The following GALNT10 variants were observed in gnomAD, a reference collection of about 807,000 sequenced individuals.
GALNT10 encodes the protein GalNAc transferase 10.
GALNT10 carries 41 observed loss-of-function variants against 75.0 expected under a neutral mutation model. That is an observed-to-expected ratio of 0.55 (90% CI 0.43 to 0.71). GALNT10 has a LOEUF of 0.71. Among genes scored for constraint, GALNT10 ranks in the 30% least tolerant of loss-of-function variants. The pLI is 0.00. For missense variants in GALNT10, 727 were observed against 818.5 expected (o/e 0.89, Z 1.36); for synonymous variants, 302 against 313.0 (o/e 0.96, Z 0.37).
At position 154,294,891 on chromosome 5, in the gene GALNT10, GC is replaced by G; in HGVS notation, c.237del (p.Ile80SerfsTer8). 6.3e-7 allele frequency: 1 copy of G among 1,593,036 alleles called. No individual in the cohort carries two copies. Among genetic ancestry groups the G allele is most frequent in the Non-Finnish European group, 8.6e-7 (1 of 1,160,766 alleles). ...QKLKDWHDKE[A>X]IRRDAQRVGN... ...GCTGAAGGACTGGCATGACAAGGAG[GC>G]CATCCGGAGGGACGCTCAGCGCGTA... is the stretch of plus-strand genomic sequence containing the variant. On this transcript the variant is annotated frameshift_variant, in exon 2 of 12. Transcript: ENST00000297107. LOFTEE classifies it high-confidence loss of function.
At position 154,412,166 on chromosome 5, in the gene GALNT10, C is replaced by T. The variant is rs183407740; in HGVS notation, c.1387-723C>T. On this transcript the variant is annotated intron_variant, in intron 9 of 11. Coordinates refer to ENST00000297107, the MANE Select transcript of GALNT10 (RefSeq NM_198321.4). This position sits in a 1 kb window ranked among gnomAD's most constrained non-coding sequence, Gnocchi z 4.2. ...GTGCATTTTCATAGCCACCACAGCC[C>T]CCTATCCCTCAGATAAAGTAGGATT... Among the ~76,000 whole-genome samples the T allele has an allele frequency of 6.6e-6, 1 of 152,286 alleles. No homozygotes were observed. The highest frequency in any genetic ancestry group is 1.9e-4 in the East Asian group (1 of 5,178).
intron 1 of GALNT10, among the ~76,000 whole-genome samples, chr5:154,238,416 A>G (rs1753281045): frequency 6.6e-6 from 1 of 152,188 alleles, no homozygotes; most frequent in Non-Finnish European, 1.5e-5. Context: ...GTCATTAATT[A>G]GTAATCCACA....
intron 1 of GALNT10, among the ~76,000 whole-genome samples, chr5:154,286,851 C>T (rs1243883586): frequency 1.3e-5 from 2 of 152,198 alleles, no homozygotes; most frequent in Non-Finnish European, 2.9e-5. Flanking sequence ...GACATAGACT[C>T]GTGGTTGCTG....
chr5:154,399,485 C>G (rs2113206002), intron 7 of GALNT10, among the ~76,000 whole-genome samples: 1 of 152,298 alleles, frequency 6.6e-6, no homozygotes, highest in South Asian at 2.1e-4. Context: ...CAGCCAGGAT[C>G]CAGCCCGAAA....
chr5:154,337,368 A>G (rs536867585), intron 4 of GALNT10: 2 of 542,784 alleles, frequency 3.7e-6, no homozygotes, highest in East Asian at 4.0e-5. Flanking sequence ...CTCTGCCACC[A>G]TTGTGCTTGG....
chr5:154,201,285 G>A (rs1352427824), intron 1 of GALNT10, among the ~76,000 whole-genome samples: 2 of 151,890 alleles, frequency 1.3e-5, no homozygotes. Context: ...CAGGGCTTAC[G>A]GTCCCCACTT....
intron 1 of GALNT10, among the ~76,000 whole-genome samples, chr5:154,199,992 A>T (rs1581915250): frequency 6.6e-6 from 1 of 152,242 alleles, no homozygotes; most frequent in South Asian, 2.1e-4. Context: ...AGGGCCACGC[A>T]GCTAGGAAGT....
chr5:154,366,278 GA>G (rs1755472326), intron 4 of GALNT10, among the ~76,000 whole-genome samples: 1 of 152,114 alleles, frequency 6.6e-6, no homozygotes, highest in African/African-American at 2.4e-5. Context: ...AACATTATTA[GA>G]ATTTTTGGAA....
At position 154,238,515 on chromosome 5, in the gene GALNT10, T is replaced by C. The variant is rs377690084; in HGVS notation, c.159+47490T>C. 5.6e-4 allele frequency among the ~76,000 whole-genome samples: 86 copies of C among 152,294 alleles called. 1 individual carries two copies. The South Asian group carries it at 0.016, about 28-fold the overall frequency. The stretch of plus-strand genomic sequence containing the variant: ...TAAGTGTTATTTCTCCCCACGTGCA[T>C]CTTCTCCTTCTCCCCCTGCGCTTTA... On this transcript the variant is annotated intron_variant, in intron 1 of 11. Coordinates refer to ENST00000297107, the MANE Select transcript of GALNT10 (RefSeq NM_198321.4).
At chr5:154,259,757 A>G (rs1038706524) in intron 1 of GALNT10, among the ~76,000 whole-genome samples, 2 of 152,164 alleles carry the variant, frequency 1.3e-5, no homozygotes, top group Non-Finnish European at 2.9e-5. Flanking sequence ...CAATTCTTAC[A>G]TATGTTATAA....
At chr5:154,295,854 T>C (rs939097177) in intron 2 of GALNT10, among the ~76,000 whole-genome samples, 1 of 152,204 alleles carries the variant, frequency 6.6e-6, no homozygotes, top group Non-Finnish European at 1.5e-5. Context: ...AGCTTTGCAA[T>C]ACTAGAAAGC....
chr5:154,251,597 A>T (rs867265244), intron 1 of GALNT10, among the ~76,000 whole-genome samples: 2 of 152,150 alleles, frequency 1.3e-5, no homozygotes, highest in Non-Finnish European at 2.9e-5. Flanking sequence ...ATCTTCTGGT[A>T]TTTTATCATT....
chr5:154,381,110 C>T (rs1398722474), intron 6 of GALNT10, among the ~76,000 whole-genome samples: 1 of 152,202 alleles, frequency 6.6e-6, no homozygotes, highest in Non-Finnish European at 1.5e-5. Context: ...AAATGCAGGT[C>T]TGTCTGTCTG....
chr5:154,413,071 C>A, intron 10 of GALNT10, 66 bp downstream of exon 10: 1 of 1,007,482 alleles, frequency 9.9e-7, no homozygotes, highest in South Asian at 1.3e-5. Flanking sequence ...GGGGTGCTGA[C>A]ACGGCCAGCT....
chr5:154,411,346 G>A (rs1021662164), intron 9 of GALNT10, among the ~76,000 whole-genome samples: 1 of 152,178 alleles, frequency 6.6e-6, no homozygotes, highest in Non-Finnish European at 1.5e-5. Flanking sequence ...AACCCCTACT[G>A]CTTGGCCAAC....
rs547258687 is a variant in GALNT10, at chr5:154,272,238, C to T, written c.160-22578C>T. Among the ~76,000 whole-genome samples, 3 of 152,286 alleles carry T rather than the reference C, an allele frequency of 2.0e-5. No individual in the cohort carries two copies. In the South Asian group the frequency reaches 6.2e-4, roughly 32 times the overall value. Reference sequence around the variant, plus strand: ...TCCCAGGGGCACAGGGAGGTCTGAGCACCCCTCCTGAGGGAGCCATGCCAA... The same window carrying T: ...TCCCAGGGGCACAGGGAGGTCTGAGTACCCCTCCTGAGGGAGCCATGCCAA... On this transcript the variant is annotated intron_variant, in intron 1 of 11. Coordinates refer to ENST00000297107, the MANE Select transcript of GALNT10 (RefSeq NM_198321.4).
At chr5:154,388,566 G>A (rs934990088) in intron 7 of GALNT10, 11 of 152,220 alleles carry the variant, frequency 7.2e-5, no homozygotes, top group East Asian at 5.8e-4. Flanking sequence ...GGGCCCAAAC[G>A]CAGGTCTGCT....
chr5:154,304,303 A>C (rs1754398531), intron 3 of GALNT10, among the ~76,000 whole-genome samples: 1 of 152,198 alleles, frequency 6.6e-6, no homozygotes, highest in Non-Finnish European at 1.5e-5. Flanking sequence ...AATACAAAGA[A>C]AATGACATCA....
At chr5:154,349,094 C>T (rs960466084) in intron 4 of GALNT10, among the ~76,000 whole-genome samples, 6 of 152,028 alleles carry the variant, frequency 3.9e-5, no homozygotes, top group Admixed American at 2.6e-4. Context: ...ACAGAGACAG[C>T]GAACCCTTTA....
Sources: allele counts gnomAD v4.1 joint callset (sites outside exome capture counted in the v4.1 genomes callset), GRCh38; gene constraint gnomAD v4.1.1; non-coding constraint Gnocchi (gnomAD v3.1); transcripts MANE v1.5; gene names NCBI Gene and HGNC (gene_info 2026-07-23, HGNC 2026-07-21).